The following XPOT variants were observed in gnomAD, a reference collection of about 807,000 sequenced individuals.
XPOT encodes the protein exportin for tRNA.
XPOT carries 34 observed loss-of-function variants against 128.2 expected under a neutral mutation model. The observed-to-expected ratio is 0.27, with a 90% confidence interval of 0.20 to 0.35. The LOEUF is 0.35. XPOT is among the 10% of genes least tolerant of loss of function. The pLI is 1.00. For missense variants in XPOT, 838 were observed against 1,125.3 expected (o/e 0.74, Z 3.65); for synonymous variants, 348 against 394.3 (o/e 0.88, Z 1.39).
Position 64,410,081 on chromosome 12 carries a change from G to A in XPOT, c.46G>A (p.Asp16Asn). The A allele has an allele frequency of 6.2e-7, 1 of 1,613,778 alleles. No homozygotes were observed. The highest frequency in any genetic ancestry group is 8.5e-7 in the Non-Finnish European group (1 of 1,179,960). Residue 16 changes from aspartate to asparagine, a missense_variant, in exon 2 of 25, where the codon GAC becomes AAC. By Grantham distance (23) the Asp-to-Asn change is conservative. Coordinates refer to ENST00000332707, the MANE Select transcript of XPOT (RefSeq NM_007235.6). ...LLGLNPNADS[D>N]FRQRALAYFE... is the part of the protein sequence containing the mutation. ...AGGGCTAAATCCAAATGCTGATTCA[G>A]ACTTTAGACAAAGGGTAAGTTACTC...
Position 64,451,104 on chromosome 12 carries a change from A to G in XPOT, c.*2973A>G, listed in dbSNP as rs539810131. ...CTTATACATTGTTTAAAATGCTAATAAAGTAACTTGCTTTGTAAGAATTCA... is the reference window on the plus strand; with the variant it reads ...CTTATACATTGTTTAAAATGCTAATGAAGTAACTTGCTTTGTAAGAATTCA... On this transcript the variant is annotated 3_prime_UTR_variant, in exon 25 of 25. Coordinates refer to ENST00000332707, the MANE Select transcript of XPOT (RefSeq NM_007235.6). 7 of 152,272 alleles carry G rather than the reference A, an allele frequency of 4.6e-5. No homozygotes were observed. Among genetic ancestry groups the G allele is most frequent in the Non-Finnish European group, 1.0e-4 (7 of 68,050 alleles). 9.4% of individuals were successfully genotyped at this position (152,272 alleles called of 1,614,324 possible). A position where few individuals can be genotyped will look rare whatever the true frequency, so the allele number is the denominator to read the frequency against.
intron 22 of XPOT, among the ~76,000 whole-genome samples, chr12:64,436,291 T>C (rs1282633141): frequency 6.6e-6 from 1 of 152,078 alleles, no homozygotes; most frequent in Non-Finnish European, 1.5e-5. Flanking sequence ...GGTCTCACTC[T>C]GTCACTCAGG....
Position 64,430,248 on chromosome 12 carries a change from C to G in XPOT, c.1937C>G (p.Ser646Cys). 6.2e-7 allele frequency: 1 copy of G among 1,607,194 alleles called. No homozygotes were observed. Among genetic ancestry groups the G allele is most frequent in the Non-Finnish European group, 8.5e-7 (1 of 1,177,502 alleles). ...MLAQDEERQA[S>C]LADCLNHAVG... Reference sequence around the variant, plus strand: ...GCACAAGATGAAGAAAGGCAAGCCTCTCTAGCAGACTGTCTTAACCATGCT... The same window carrying G: ...GCACAAGATGAAGAAAGGCAAGCCTGTCTAGCAGACTGTCTTAACCATGCT... Residue 646 changes from serine (S) to cysteine (C), a missense_variant, in exon 17 of 25, where the codon TCT (serine) becomes TGT (cysteine). By Grantham distance (112) the Ser-to-Cys change is moderately radical. This residue lies in a region of XPOT where 761 missense variants were observed against 988.3 expected (regional missense o/e 0.77). Transcript: ENST00000332707.
intron 21 of XPOT, among the ~76,000 whole-genome samples, 195 bp from the exon 22 acceptor site, chr12:64,435,432 T>G (rs2040274659): frequency 6.6e-6 from 1 of 152,244 alleles, no homozygotes; most frequent in Admixed American, 6.5e-5. Flanking sequence ...TTTCTGTTTT[T>G]TTTCTTTTTT....
At chr12:64,445,199 A>G (rs1040855014) in intron 24 of XPOT, 68 bp downstream of exon 24, 3 of 1,189,288 alleles carry the variant, frequency 2.5e-6, no homozygotes, top group Non-Finnish European at 3.7e-6. Flanking sequence ...GAGAGAATAC[A>G]TACCTGCAAT....
intron 22 of XPOT, among the ~76,000 whole-genome samples, chr12:64,436,012 A>C (rs886496217): frequency 2.0e-5 from 3 of 151,942 alleles, no homozygotes; most frequent in Non-Finnish European, 4.4e-5. Context: ...GCTGGAGTGC[A>C]GTGGCATGAT....
intron 2 of XPOT, among the ~76,000 whole-genome samples, chr12:64,412,068 G>C (rs2040043369): frequency 7.9e-6 from 1 of 126,370 alleles, no homozygotes; most frequent in Middle Eastern, 6.3e-3. Context: ...CTGTTGCCCA[G>C]CCTGGAGTGG....
In XPOT at chr12:64,431,808, TAC is replaced by T; in HGVS notation, c.2248_2249del (p.Thr750GlyfsTer24). 6.2e-7 allele frequency: 1 copy of T among 1,611,996 alleles called. No homozygotes were observed. The highest frequency in any genetic ancestry group is 8.5e-7 in the Non-Finnish European group (1 of 1,178,610). Reference sequence around the variant, plus strand: ...AGTTCATTCCTCTTATCAACCAGATTACGGCCAAATTCAAGGTACCGCAAACT... The same window carrying T: ...AGTTCATTCCTCTTATCAACCAGATTGGCCAAATTCAAGGTACCGCAAACT... The part of the protein sequence containing the change: ...QEFIPLINQI[T>X]AKFKIQVSPF... On this transcript the variant is annotated frameshift_variant, in exon 18 of 25. Transcript: ENST00000332707. LOFTEE classifies it high-confidence loss of function.
At chr12:64,415,152 AAGTAGTAAACCC>A (rs1479182741) in intron 3 of XPOT, among the ~76,000 whole-genome samples, 163 bp downstream of exon 3, 2 of 151,826 alleles carry the variant, frequency 1.3e-5, no homozygotes, top group African/African-American at 4.8e-5. Flanking sequence ...GAAATGAGAA[AAGTAGTAAACCC>A]AGTTTGGCCA....
chr12:64,406,986 C>G (rs947412398), intron 1 of XPOT, among the ~76,000 whole-genome samples: 1 of 152,160 alleles, frequency 6.6e-6, no homozygotes, highest in Non-Finnish European at 1.5e-5. Flanking sequence ...TACCTTATCT[C>G]TTTGAAGCCT....
chr12:64,433,668 A>T, intron 19 of XPOT, 65 bp downstream of exon 19: 1 of 1,405,620 alleles, frequency 7.1e-7, no homozygotes, highest in Non-Finnish European at 9.4e-7. Flanking sequence ...CATCTATATG[A>T]CCAAGAGCAA....
At chr12:64,431,469 C>A in intron 17 of XPOT, 69 bp from the exon 18 acceptor site, 1 of 1,498,952 alleles carries the variant, frequency 6.7e-7, no homozygotes, top group Non-Finnish European at 9.1e-7. Context: ...TTGTGCATTG[C>A]TTTTGAATAC....
chr12:64,444,244 C>T (rs2040350163), intron 23 of XPOT, among the ~76,000 whole-genome samples: 1 of 152,166 alleles, frequency 6.6e-6, no homozygotes, highest in Admixed American at 6.5e-5. Flanking sequence ...CCCATTCACT[C>T]CTCTCAGGCA....
chr12:64,439,910 C>T (rs963619080), intron 23 of XPOT, among the ~76,000 whole-genome samples: 8 of 152,168 alleles, frequency 5.3e-5, no homozygotes, highest in Admixed American at 3.9e-4. Context: ...ATTACAATCT[C>T]TTATGTAGAT....
At position 64,450,618 on chromosome 12, in the gene XPOT, TC is replaced by T. The variant is rs2040404706; in HGVS notation, c.*2488del. ...ATATAATCATGCATAACTTCTATCT[TC>T]ATTCTCTGAAGTTGCCTAGAGCACC... is the stretch of plus-strand genomic sequence containing the variant. On this transcript the variant is annotated 3_prime_UTR_variant, in exon 25 of 25. Transcript: ENST00000332707. 1.3e-5 allele frequency: 2 copies of T among 152,216 alleles called. No individual in the cohort carries two copies. Among genetic ancestry groups the T allele is most frequent in the Non-Finnish European group, 2.9e-5 (2 of 68,040 alleles). 9.4% of individuals were successfully genotyped at this position (152,216 alleles called of 1,614,324 possible). A position where few individuals can be genotyped will look rare whatever the true frequency, so the allele number is the denominator to read the frequency against.
chr12:64,408,683 G>A (rs1433632359), intron 1 of XPOT, among the ~76,000 whole-genome samples: 1 of 151,234 alleles, frequency 6.6e-6, no homozygotes, highest in African/African-American at 2.4e-5. Flanking sequence ...TGTGTGTTTT[G>A]TTTTTTTTGA....
intron 4 of XPOT, 121 bp from the exon 5 acceptor site, chr12:64,417,925 G>A: frequency 3.1e-6 from 2 of 642,062 alleles, no homozygotes; most frequent in Non-Finnish European, 5.1e-6. Flanking sequence ...GTTTATGTTA[G>A]GGAACTTCAG....
At chr12:64,415,130 T>G in intron 3 of XPOT, 141 bp downstream of exon 3, 1 of 594,266 alleles carries the variant, frequency 1.7e-6, no homozygotes, top group Non-Finnish European at 3.0e-6. Context: ...TAACATATAG[T>G]CATTCCATGT....
chr12:64,448,203 G>A lies in XPOT; in HGVS notation c.*72G>A. 6.9e-7 allele frequency: 1 copy of A among 1,443,874 alleles called. No individual in the cohort carries two copies. Among genetic ancestry groups the A allele is most frequent in the East Asian group, 2.3e-5 (1 of 44,006 alleles). The allele number at this position is 1,443,874 out of a possible 1,614,324, so 89.4% of individuals were successfully genotyped here. On this transcript the variant is annotated 3_prime_UTR_variant, in exon 25 of 25. Transcript: ENST00000332707. ...ATTTATAAAGAGGCGATTTTTGTGT[G>A]CCATTCACACTGGTCTTTTTCACAT... is the stretch of plus-strand genomic sequence containing the variant.
Sources: allele counts gnomAD v4.1 joint callset (sites outside exome capture counted in the v4.1 genomes callset), GRCh38; gene constraint gnomAD v4.1.1; regional missense constraint gnomAD v4.1.1; transcripts MANE v1.5; gene names NCBI Gene and HGNC (gene_info 2026-07-23, HGNC 2026-07-21).